PPP2R5E: variants seen among roughly 807,000 people sequenced by gnomAD.
PPP2R5E encodes the protein protein phosphatase 2 regulatory subunit B'epsilon, also known as serine/threonine-protein phosphatase 2A 56 kDa regulatory subunit epsilon isoform.
PPP2R5E carries 4 observed loss-of-function variants against 65.3 expected under a neutral mutation model. The ratio of observed to expected loss-of-function variants is 0.06; its 90% CI spans 0.03 to 0.14. PPP2R5E has a LOEUF of 0.14. Among genes scored for constraint, PPP2R5E ranks in the 10% least tolerant of loss-of-function variants. The pLI, the probability that PPP2R5E is intolerant of heterozygous loss-of-function variation, is 1.00. For missense variants in PPP2R5E, 274 were observed against 556.1 expected (o/e 0.49, Z 5.10); for synonymous variants, 183 against 187.4 (o/e 0.98, Z 0.19).
chr14:63,396,672 G>A lies in PPP2R5E; in HGVS notation c.594C>T (p.Tyr198=), dbSNP rs760585608. Residue 198 remains tyrosine (Y), a synonymous_variant, in exon 6 of 14, where the codon TAC becomes TAT. Transcript: ENST00000337537. Reference sequence around the variant, plus strand: ...AAATTCTGTGTAAGACTGTTTTTAAGTAGTCCCGTTCCCGAGGGTCTTCGC... The same window carrying A: ...AAATTCTGTGTAAGACTGTTTTTAAATAGTCCCGTTCCCGAGGGTCTTCGC... ...FDSEDPRERD[Y]LKTVLHRIYG... is the part of the protein sequence containing the mutation. The A allele has an allele frequency of 1.9e-6, 3 of 1,613,594 alleles. No homozygotes were observed. The highest frequency in any genetic ancestry group is 1.7e-6 in the Non-Finnish European group (2 of 1,179,690).
At chr14:63,386,969 T>C (rs1419601618) in intron 11 of PPP2R5E, among the ~76,000 whole-genome samples, 2 of 145,114 alleles carry the variant, frequency 1.4e-5, no homozygotes, top group Non-Finnish European at 3.0e-5. Flanking sequence ...GCAAGTGGCA[T>C]TTAAGCTCGG....
intron 5 of PPP2R5E, among the ~76,000 whole-genome samples, chr14:63,403,600 A>G (rs942554579): frequency 2.0e-5 from 3 of 151,402 alleles, no homozygotes; most frequent in African/African-American, 7.3e-5. Context: ...TGCCAATTAG[A>G]GCAGGATGAC....
intron 2 of PPP2R5E, among the ~76,000 whole-genome samples, chr14:63,477,086 C>A (rs1336926750): frequency 6.6e-6 from 1 of 152,070 alleles, no homozygotes; most frequent in Non-Finnish European, 1.5e-5. Flanking sequence ...ATAAAGGCCA[C>A]AATACCTACT....
chr14:63,457,764 T>C (rs1889206664), intron 2 of PPP2R5E, among the ~76,000 whole-genome samples: 1 of 152,132 alleles, frequency 6.6e-6, no homozygotes, highest in African/African-American at 2.4e-5. Context: ...CCATCCAAGG[T>C]TGTATGTGTT....
intron 2 of PPP2R5E, among the ~76,000 whole-genome samples, chr14:63,468,128 C>T (rs1011255140): frequency 1.3e-5 from 2 of 152,190 alleles, no homozygotes; most frequent in Non-Finnish European, 2.9e-5. Flanking sequence ...CACTGCTGAG[C>T]CTTAGTATCT....
rs1296064921 is a variant in PPP2R5E at position 63,443,188 on chromosome 14, G to A, written c.354+10501C>T. Among the ~76,000 whole-genome samples the A allele has an allele frequency of 2.6e-5, 4 of 152,098 alleles. No homozygotes were observed. In the East Asian group the frequency reaches 7.7e-4, roughly 29 times the overall value. On this transcript the variant is annotated intron_variant, in intron 3 of 13. Coordinates refer to ENST00000337537, the MANE Select transcript of PPP2R5E (RefSeq NM_006246.5). Reference sequence around the variant, plus strand: ...GTAGGAAAAAACAAAGCTAATAGTGGCCAAGAAACAACGTAACGAACTCAA... The same window carrying A: ...GTAGGAAAAAACAAAGCTAATAGTGACCAAGAAACAACGTAACGAACTCAA...
intron 2 of PPP2R5E, among the ~76,000 whole-genome samples, chr14:63,510,851 G>A (rs963760146): frequency 6.6e-6 from 1 of 152,254 alleles, no homozygotes; most frequent in African/African-American, 2.4e-5. Flanking sequence ...TCTGGCTGCT[G>A]TGTAGAACAC....
intron 5 of PPP2R5E, among the ~76,000 whole-genome samples, chr14:63,414,686 G>A (rs949664471): frequency 1.8e-4 from 27 of 152,130 alleles, no homozygotes; most frequent in Non-Finnish European, 3.1e-4. Flanking sequence ...TTTTCTAGCA[G>A]TGAAATCTCA....
intron 3 of PPP2R5E, among the ~76,000 whole-genome samples, chr14:63,432,780 T>C (rs1246692839): frequency 2.0e-5 from 3 of 152,058 alleles, no homozygotes; most frequent in African/African-American, 4.8e-5. Context: ...ATCAAGTTAA[T>C]AGAAGCAGAA....
intron 5 of PPP2R5E, among the ~76,000 whole-genome samples, chr14:63,413,775 T>C (rs1886536000): frequency 6.6e-6 from 1 of 152,214 alleles, no homozygotes; most frequent in Non-Finnish European, 1.5e-5. Flanking sequence ...TACCCCGTGA[T>C]CCACGTATCC....
intron 2 of PPP2R5E, among the ~76,000 whole-genome samples, chr14:63,468,647 GCTT>G (rs1889960520): frequency 6.6e-6 from 1 of 152,082 alleles, no homozygotes; most frequent in African/African-American, 2.4e-5. Context: ...ACACATCAAG[GCTT>G]CTTCTGATAT....
chr14:63,493,259 T>C (rs1471366539), intron 2 of PPP2R5E, among the ~76,000 whole-genome samples: 2 of 151,860 alleles, frequency 1.3e-5, no homozygotes, highest in Non-Finnish European at 2.9e-5. Flanking sequence ...TCCTCCTGCC[T>C]CTGCCTCCTG....
chr14:63,528,482 T>C (rs944924501), intron 2 of PPP2R5E, among the ~76,000 whole-genome samples: 1 of 152,198 alleles, frequency 6.6e-6, no homozygotes, highest in Non-Finnish European at 1.5e-5. Flanking sequence ...TTTTCGTCTA[T>C]AAAATCCACT....
intron 2 of PPP2R5E, among the ~76,000 whole-genome samples, chr14:63,483,856 G>A (rs540287860): frequency 1.3e-5 from 2 of 152,202 alleles, no homozygotes; most frequent in South Asian, 2.1e-4. Context: ...AGGCCGAGGC[G>A]GGTGGATCAC....
intron 5 of PPP2R5E, among the ~76,000 whole-genome samples, chr14:63,403,637 G>GAAAAAAAAA (rs746448979): frequency 1.9e-5 from 2 of 107,424 alleles, no homozygotes; most frequent in Non-Finnish European, 2.0e-5. Flanking sequence ...AGGTCTCCAA[G>GAAAAAAAAA]AAAAAAAAAA....
intron 3 of PPP2R5E, among the ~76,000 whole-genome samples, chr14:63,450,519 G>A (rs1888763380): frequency 6.6e-6 from 1 of 152,150 alleles, no homozygotes; most frequent in South Asian, 2.1e-4. Flanking sequence ...GGTCCATATG[G>A]ATGACAGAAT....
chr14:63,399,314 T>G (rs567633315), intron 5 of PPP2R5E, among the ~76,000 whole-genome samples: 1 of 148,100 alleles, frequency 6.8e-6, no homozygotes, highest in African/African-American at 2.5e-5. Flanking sequence ...GGCAAATCCA[T>G]AGTGACAGAA....
chr14:63,389,796 A>G lies in PPP2R5E; in HGVS notation c.955-65T>C. Reference sequence around the variant, plus strand: ...TGAAAAAAAATCCATAAGAACAAGGAGGATTAATGAGAGTTTGGATTATTT... The same window carrying G: ...TGAAAAAAAATCCATAAGAACAAGGGGGATTAATGAGAGTTTGGATTATTT... On this transcript the variant is annotated intron_variant, in intron 10 of 13. Transcript: ENST00000337537. 5 of 1,418,464 alleles carry G rather than the reference A, an allele frequency of 3.5e-6. 1 individual carries two copies. In the South Asian group the frequency reaches 6.5e-5, roughly 18 times the overall value. 87.9% of individuals were successfully genotyped at this position (1,418,464 alleles called of 1,614,324 possible).
At chr14:63,446,694 T>C (rs960996234) in intron 3 of PPP2R5E, among the ~76,000 whole-genome samples, 1 of 151,868 alleles carries the variant, frequency 6.6e-6, no homozygotes, top group African/African-American at 2.4e-5. Context: ...CTGGGCGCAG[T>C]GGCAGGCGCC....
Sources: gnomAD v4.1 joint callset for allele counts (sites outside exome capture counted in the v4.1 genomes callset) on GRCh38, gnomAD v4.1.1 for gene constraint, MANE v1.5 for transcripts, NCBI Gene and HGNC (gene_info 2026-07-23, HGNC 2026-07-21) for gene names.